Variants in RNF111 observed in about 807,000 individuals in gnomAD.
RNF111 encodes the protein E3 ubiquitin-protein ligase Arkadia.
Under a neutral mutation model 95.1 loss-of-function variants are expected in RNF111, and 17 were observed. The ratio of observed to expected loss-of-function variants is 0.18; its 90% CI spans 0.12 to 0.27. The LOEUF (loss-of-function observed/expected upper bound fraction) is 0.27. RNF111 is among the 10% of genes least tolerant of loss of function. RNF111 has a pLI of 1.00. For missense variants in RNF111, 1,189 were observed against 1,210.4 expected (o/e 0.98, Z 0.26); for synonymous variants, 440 against 414.8 (o/e 1.06, Z -0.74).
At chr15:59,004,919 A>C (rs1339798073) in intron 1 of RNF111, among the ~76,000 whole-genome samples, 1 of 152,248 alleles carries the variant, frequency 6.6e-6, no homozygotes, top group Non-Finnish European at 1.5e-5. Flanking sequence ...TCTGAGAGAC[A>C]CTTGGGAAGT....
At chr15:59,063,160 T>C (rs1325850195) in intron 5 of RNF111, among the ~76,000 whole-genome samples, 1 of 152,186 alleles carries the variant, frequency 6.6e-6, no homozygotes, top group Non-Finnish European at 1.5e-5. Flanking sequence ...ATGCTGCTTT[T>C]CCCTTGTGAG....
rs753479026 is a variant in RNF111, at chr15:59,092,469, C to T, written c.2740-68C>T. The stretch of plus-strand genomic sequence containing the variant: ...TTTTGTTTTGTTTTTCAAATAAACA[C>T]AGACTTTACTCAGTTGTTCAATAAT... On this transcript the variant is annotated intron_variant, in intron 12 of 13. Coordinates refer to ENST00000348370, the MANE Select transcript of RNF111 (RefSeq NM_017610.8). 10 of 1,490,446 alleles carry T rather than the reference C, an allele frequency of 6.7e-6. No individual in the cohort carries two copies. In the East Asian group the frequency reaches 2.3e-4, roughly 34 times the overall value. The allele number at this position is 1,490,446 out of a possible 1,614,324, so 92.3% of individuals were successfully genotyped here. A position where few individuals can be genotyped will look rare whatever the true frequency, so the allele number is the denominator to read the frequency against.
intron 1 of RNF111, among the ~76,000 whole-genome samples, chr15:59,022,364 G>C (rs8027536): frequency 0.4 from 60,681 of 151,972 alleles, 12,584 homozygotes; most frequent in African/African-American, 0.51. Context: ...TAAATGTAAG[G>C]GTGGTTCCAT....
At chr15:59,052,854 A>G (rs1211968000) in intron 3 of RNF111, among the ~76,000 whole-genome samples, 2 of 152,192 alleles carry the variant, frequency 1.3e-5, no homozygotes, top group African/African-American at 2.4e-5. Context: ...CAAGTATACA[A>G]TGAGAGTTAA....
Position 59,094,781 on chromosome 15 carries a change from A to G in RNF111, c.2844-2A>G. 6.4e-7 allele frequency: 1 copy of G among 1,569,610 alleles called. No homozygotes were observed. The highest frequency in any genetic ancestry group is 8.8e-7 in the Non-Finnish European group (1 of 1,139,562). ...TGCTTTTTGTTTTCTTGCCAATAAT[A>G]GACGTCTTCCATGTATGCACCTTTT... On this transcript the variant is annotated splice_acceptor_variant, in intron 13 of 13. Transcript: ENST00000348370. LOFTEE classifies it high-confidence loss of function.
At position 59,045,442 on chromosome 15, in the gene RNF111, G is replaced by A. The variant is rs182581092; in HGVS notation, c.881-6863G>A. The stretch of plus-strand genomic sequence containing the variant: ...CTGACCTTGTGATCTGCCCGTCTTA[G>A]CCTCCCAAAGTGCTGGGATTACAGG... On this transcript the variant is annotated intron_variant, in intron 2 of 13. Transcript: ENST00000348370. 1.6e-3 allele frequency among the ~76,000 whole-genome samples: 239 copies of A among 152,202 alleles called. 4 individuals carry two copies. The highest frequency in any genetic ancestry group is 6.8e-3 in the Middle Eastern group (2 of 294).
chr15:59,030,339 TGTA>T (rs1303072847), intron 1 of RNF111, among the ~76,000 whole-genome samples: 5 of 152,194 alleles, frequency 3.3e-5, no homozygotes, highest in African/African-American at 7.2e-5. Flanking sequence ...ATCAATCTAA[TGTA>T]GTAACCATCT....
At chr15:59,029,221 T>C (rs1438072333) in intron 1 of RNF111, among the ~76,000 whole-genome samples, 1 of 152,210 alleles carries the variant, frequency 6.6e-6, no homozygotes, top group African/African-American at 2.4e-5. Flanking sequence ...GTGTTCTTTA[T>C]TACAGCCATC....
chr15:59,082,243 C>G (rs1464275168), intron 8 of RNF111, among the ~76,000 whole-genome samples: 1 of 152,076 alleles, frequency 6.6e-6, no homozygotes, highest in Non-Finnish European at 1.5e-5. Flanking sequence ...CCATATGACC[C>G]AGGCTAATTT....
chr15:59,035,222 T>TA (rs1450411993), intron 2 of RNF111, among the ~76,000 whole-genome samples: 2 of 152,182 alleles, frequency 1.3e-5, no homozygotes, highest in Non-Finnish European at 2.9e-5. Flanking sequence ...TGGGAATTAT[T>TA]ATAAGTCAAG....
At chr15:59,074,792 GC>G (rs36116249) in intron 6 of RNF111, among the ~76,000 whole-genome samples, 39,874 of 152,066 alleles carry the variant, frequency 0.26, 5,312 homozygotes, top group East Asian at 0.42. Context: ...AAGAGGCCTA[GC>G]TTTTGGCCTC....
At chr15:59,078,155 G>A (rs1214925761) in intron 7 of RNF111, among the ~76,000 whole-genome samples, 2 of 152,140 alleles carry the variant, frequency 1.3e-5, no homozygotes, top group Non-Finnish European at 2.9e-5. Flanking sequence ...CTTTGCACTT[G>A]TAAAATGGGA....
intron 6 of RNF111, among the ~76,000 whole-genome samples, chr15:59,068,618 C>CT (rs1172613393): frequency 2.7e-5 from 4 of 150,930 alleles, no homozygotes; most frequent in Non-Finnish European, 5.9e-5. Context: ...GTTTTTTTTT[C>CT]TTTTTTTTGA....
At chr15:58,995,071 A>G (rs1055950995) in intron 1 of RNF111, among the ~76,000 whole-genome samples, 1 of 152,200 alleles carries the variant, frequency 6.6e-6, no homozygotes, top group Non-Finnish European at 1.5e-5. Context: ...AATGTGGAAC[A>G]GTGCACCTAA....
In RNF111 at chr15:59,089,680, C is replaced by T; in HGVS notation, c.2564C>T (p.Ala855Val). The stretch of plus-strand genomic sequence containing the variant: ...CTGTTGAAATAGGTTCCTGATATGG[C>T]AGGCTATCCTCACATCCGTTACATT... ...GALPLMVPDM[A>V]GYPHIRYISS... is the part of the protein sequence containing the mutation. Residue 855 changes from alanine (A) to valine (V), a missense_variant, in exon 11 of 14, where the codon GCA (alanine) becomes GTA (valine). By Grantham distance (64) the Ala-to-Val change is moderately conservative (BLOSUM62 0). Transcript: ENST00000348370. 1.2e-6 allele frequency: 2 copies of T among 1,612,958 alleles called. No individual in the cohort carries two copies. Among genetic ancestry groups the T allele is most frequent in the Non-Finnish European group, 8.5e-7 (1 of 1,179,382 alleles).
At chr15:59,041,944 G>T (rs2041472875) in intron 2 of RNF111, among the ~76,000 whole-genome samples, 6 of 130,150 alleles carry the variant, frequency 4.6e-5, no homozygotes, top group African/African-American at 8.8e-5. Context: ...TTCTTTTCCT[G>T]TGATCAGTCT....
chr15:59,043,307 A>G (rs2041555901), intron 2 of RNF111, among the ~76,000 whole-genome samples: 1 of 152,014 alleles, frequency 6.6e-6, no homozygotes, highest in Non-Finnish European at 1.5e-5. Context: ...GGTACCTACC[A>G]CCTCAGCCAG....
intron 8 of RNF111, among the ~76,000 whole-genome samples, chr15:59,081,584 G>A (rs2078746288): frequency 1.3e-5 from 2 of 152,096 alleles, no homozygotes; most frequent in Admixed American, 1.3e-4. Context: ...TATAAGCTGG[G>A]TGAGGCTCAT....
intron 8 of RNF111, among the ~76,000 whole-genome samples, chr15:59,082,026 C>T (rs1221826485): frequency 6.6e-6 from 1 of 152,102 alleles, no homozygotes; most frequent in African/African-American, 2.4e-5. Context: ...GTGATCCTCC[C>T]ATGATCATGC....
Sources: gnomAD v4.1 joint callset for allele counts (sites outside exome capture counted in the v4.1 genomes callset) on GRCh38, gnomAD v4.1.1 for gene constraint, MANE v1.5 for transcripts, NCBI Gene and HGNC (gene_info 2026-07-23, HGNC 2026-07-21) for gene names.